The following CDC42BPA variants were observed in gnomAD, a reference collection of about 807,000 sequenced individuals.
The protein encoded by CDC42BPA is serine/threonine-protein kinase MRCK alpha.
Under a neutral mutation model 223.5 loss-of-function variants are expected in CDC42BPA, and 80 were observed. The observed-to-expected ratio is 0.36, with a 90% CI of 0.30 to 0.43. The LOEUF (loss-of-function observed/expected upper bound fraction) is 0.43. Ranked by LOEUF, CDC42BPA falls within the 20% of genes least tolerant of loss-of-function variation. The probability of loss-of-function intolerance (pLI) is 1.00; values close to 1 mark genes in which losing one functional copy is unlikely to be tolerated. For missense variants in CDC42BPA, 1,743 were observed against 2,099.9 expected (o/e 0.83, Z 3.32); for synonymous variants, 694 against 718.6 (o/e 0.97, Z 0.55).
intron 34 of CDC42BPA, among the ~76,000 whole-genome samples, chr1:227,009,487 C>T (rs1572217963): frequency 2.6e-5 from 4 of 152,320 alleles, no homozygotes; most frequent in South Asian, 4.1e-4. Flanking sequence ...CGGCTCTCTG[C>T]AACTTCGACC....
At chr1:227,099,220 T>C (rs1397642323) in intron 15 of CDC42BPA, among the ~76,000 whole-genome samples, 2 of 152,136 alleles carry the variant, frequency 1.3e-5, no homozygotes, top group African/African-American at 4.8e-5. Context: ...ATCGTTATCT[T>C]AGAGTATACA....
intron 17 of CDC42BPA, among the ~76,000 whole-genome samples, chr1:227,079,895 A>C (rs1291022662): frequency 1.3e-5 from 2 of 151,930 alleles, no homozygotes; most frequent in African/African-American, 4.8e-5. Context: ...CTGAATATAC[A>C]TAATGAGATT....
At chr1:227,270,652 T>C (rs186571766) in intron 1 of CDC42BPA, among the ~76,000 whole-genome samples, 1 of 152,334 alleles carries the variant, frequency 6.6e-6, no homozygotes, top group Non-Finnish European at 1.5e-5. Flanking sequence ...ACATTCATAA[T>C]GTTGTACAAA....
intron 1 of CDC42BPA, among the ~76,000 whole-genome samples, chr1:227,315,196 TCAGC>T (rs1449624100): frequency 6.6e-6 from 1 of 151,772 alleles, no homozygotes; most frequent in Non-Finnish European, 1.5e-5. Context: ...AAAATAATAC[TCAGC>T]CAAATACTTA....
At chr1:227,079,852 GATTTCAGGTTTTTTTTTTAA>G (rs1263270576) in intron 17 of CDC42BPA, among the ~76,000 whole-genome samples, 1 of 149,736 alleles carries the variant, frequency 6.7e-6, no homozygotes, top group Non-Finnish European at 1.5e-5. Flanking sequence ...AAGTATTTTG[GATTTCAGGTTTTTTTTTTAA>G]ATTTTGGAAT....
chr1:227,254,664 A>C (rs1682746266), intron 1 of CDC42BPA, among the ~76,000 whole-genome samples: 1 of 152,194 alleles, frequency 6.6e-6, no homozygotes, highest in Admixed American at 6.5e-5. Context: ...TTTGATTATG[A>C]TATGATACTT....
chr1:227,120,050 A>C (rs1385506612), intron 11 of CDC42BPA, 113 bp from the exon 12 acceptor site: 1 of 724,432 alleles, frequency 1.4e-6, no homozygotes, highest in Non-Finnish European at 2.2e-6. Flanking sequence ...TTAGTGTTAG[A>C]TCTGACAGTG....
In CDC42BPA at chr1:227,317,169, A is replaced by C; in HGVS notation, c.14T>G (p.Val5Gly). 1 of 1,610,814 alleles carries C rather than the reference A, an allele frequency of 6.2e-7. No homozygotes were observed. The highest frequency in any genetic ancestry group is 8.5e-7 in the Non-Finnish European group (1 of 1,179,134). MSGE[V>G]RLRQLEQFIL... ...AAACTGCTCCAACTGCCTCAAACGC[A>C]CTTCTCCAGACATGTTTGCTTCGAT... is the stretch of plus-strand genomic sequence containing the variant. The change falls in exon 1 of 37, where the codon GTG becomes GGG. Residue 5 changes from valine to glycine, a missense_variant. Coordinates refer to ENST00000366766, the MANE Select transcript of CDC42BPA (RefSeq NM_001394014.1).
At chr1:227,128,097 T>C (rs1656216083) in intron 11 of CDC42BPA, among the ~76,000 whole-genome samples, 2 of 152,154 alleles carry the variant, frequency 1.3e-5, no homozygotes, top group African/African-American at 4.8e-5. Context: ...ATTTCACCCC[T>C]TTAGTTCTCA....
At chr1:227,285,780 A>C (rs1688709945) in intron 1 of CDC42BPA, among the ~76,000 whole-genome samples, 1 of 152,222 alleles carries the variant, frequency 6.6e-6, no homozygotes, top group African/African-American at 2.4e-5. Context: ...ATTTCTGAAC[A>C]ATTCAAATTA....
intron 1 of CDC42BPA, among the ~76,000 whole-genome samples, chr1:227,259,573 C>T (rs1411038743): frequency 6.6e-6 from 1 of 150,884 alleles, no homozygotes; most frequent in South Asian, 2.1e-4. Flanking sequence ...TAGCTCACAA[C>T]TAGACACGGT....
At chr1:227,195,456 G>A (rs114683993) in intron 4 of CDC42BPA, among the ~76,000 whole-genome samples, 9,121 of 151,892 alleles carry the variant, frequency 0.06, 277 homozygotes, top group Non-Finnish European at 0.073. Flanking sequence ...GATTACAGGC[G>A]TGAGCCACCA....
At chr1:227,152,131 C>T (rs1191156621) in intron 6 of CDC42BPA, among the ~76,000 whole-genome samples, 3 of 152,068 alleles carry the variant, frequency 2.0e-5, no homozygotes, top group East Asian at 3.9e-4. Flanking sequence ...AGAGACTAAC[C>T]TGTTATTAGA....
chr1:227,134,499 T>C (rs929445701), intron 10 of CDC42BPA, among the ~76,000 whole-genome samples: 5 of 147,804 alleles, frequency 3.4e-5, no homozygotes, highest in African/African-American at 1.2e-4. Context: ...ATATCTCCTC[T>C]ACCTTCCTAA....
At chr1:227,168,041 TC>T (rs1558661828) in intron 5 of CDC42BPA, among the ~76,000 whole-genome samples, 1 of 151,946 alleles carries the variant, frequency 6.6e-6, no homozygotes, top group Non-Finnish European at 1.5e-5. Context: ...GCTCCTGCCC[TC>T]AGCCTCCTGA....
chr1:227,208,753 C>T (rs925893906), intron 3 of CDC42BPA, among the ~76,000 whole-genome samples: 1 of 152,062 alleles, frequency 6.6e-6, no homozygotes, highest in African/African-American at 2.4e-5. Context: ...GTTTTGGTTA[C>T]TGTAGCCTTG....
rs1228102824 is a variant in CDC42BPA, at chr1:226,994,203, A to T, written c.*65T>A. 1 of 1,491,372 alleles carries T rather than the reference A, an allele frequency of 6.7e-7. No homozygotes were observed. The highest frequency in any genetic ancestry group is 1.4e-5 in the African/African-American group (1 of 71,268). The allele number at this position is 1,491,372 out of a possible 1,614,324, so 92.4% of individuals were successfully genotyped here. A position where few individuals can be genotyped will look rare whatever the true frequency, so the allele number is the denominator to read the frequency against. On this transcript the variant is annotated 3_prime_UTR_variant, in exon 37 of 37. Coordinates refer to ENST00000366766, the MANE Select transcript of CDC42BPA (RefSeq NM_001394014.1). This position sits in a 1 kb window ranked among gnomAD's most constrained non-coding sequence, Gnocchi z 4.0. Reference sequence around the variant, plus strand: ...GCCGAGCAGGCGAGGTGGAGGGAAGAGATGAAAGTGAGAGGAGGCGAGTGG... The same window carrying T: ...GCCGAGCAGGCGAGGTGGAGGGAAGTGATGAAAGTGAGAGGAGGCGAGTGG...
intron 1 of CDC42BPA, among the ~76,000 whole-genome samples, chr1:227,267,180 G>C (rs1202345802): frequency 1.3e-5 from 2 of 152,078 alleles, no homozygotes; most frequent in East Asian, 3.8e-4. Context: ...GTTTCTATAA[G>C]CTCCTTCAGC....
In CDC42BPA at chr1:226,991,982, T is replaced by C. The variant is rs926521423; in HGVS notation, c.*2286A>G. ...ATGGGGAGGGTGGGGATGGGGAGGG[T>C]GGGAAGAGTGAGGAGGAGAGGAGGG... On this transcript the variant is annotated 3_prime_UTR_variant, in exon 37 of 37. Transcript: ENST00000366766. 2.4e-5 allele frequency: 1 copy of C among 40,950 alleles called. No individual in the cohort carries two copies. The highest frequency in any genetic ancestry group is 9.8e-5 in the African/African-American group (1 of 10,242). 2.5% of individuals were successfully genotyped at this position (40,950 alleles called of 1,614,324 possible).
Sources: gnomAD v4.1 joint callset for allele counts (sites outside exome capture counted in the v4.1 genomes callset) on GRCh38, gnomAD v4.1.1 for gene constraint, Gnocchi (gnomAD v3.1) non-coding constraint, MANE v1.5 for transcripts, NCBI Gene and HGNC (gene_info 2026-07-23, HGNC 2026-07-21) for gene names.